ZMAT4: variants seen among roughly 807,000 people sequenced by gnomAD.
ZMAT4 encodes the protein zinc finger matrin-type 4.
Under a neutral mutation model 28.7 loss-of-function variants are expected in ZMAT4, and 17 were observed. The ratio of observed to expected loss-of-function variants is 0.59; its 90% confidence interval spans 0.41 to 0.89. ZMAT4 has a LOEUF of 0.89. Ranked by LOEUF, ZMAT4 falls within the 40% of genes least tolerant of loss-of-function variation. The pLI, the probability that ZMAT4 is intolerant of heterozygous loss-of-function variation, is 0.00. For synonymous variants in ZMAT4, 117 were observed against 109.2 expected, an observed-to-expected ratio of 1.07 and a Z score of -0.44; for missense variants, 240 against 283.8, an observed-to-expected ratio of 0.85 and a Z score of 1.11.
chr8:40,560,706 C>T (rs1563340445), intron 6 of ZMAT4, among the ~76,000 whole-genome samples: 1 of 152,116 alleles, frequency 6.6e-6, no homozygotes, highest in African/African-American at 2.4e-5. Context: ...GCCTGACACA[C>T]TATTTCACAA....
At chr8:40,677,765 TA>T (rs1454028201) in intron 4 of ZMAT4, among the ~76,000 whole-genome samples, 1 of 152,244 alleles carries the variant, frequency 6.6e-6, no homozygotes, top group African/African-American at 2.4e-5. Flanking sequence ...TCTTTTGGTT[TA>T]AAAACATGCT....
rs528327240 is a variant in ZMAT4, at chr8:40,742,187, G to T, written c.192+25454C>A. Among the ~76,000 whole-genome samples, 5 of 152,034 alleles carry T rather than the reference G, an allele frequency of 3.3e-5. No individual in the cohort carries two copies. The East Asian group carries it at 9.7e-4, about 29-fold the overall frequency. ...GGTGGGATCTCAGGAGGTAGAGGTTGCAGTGAGCCGTGATCATACCACCGC... is the reference window on the plus strand; with the variant it reads ...GGTGGGATCTCAGGAGGTAGAGGTTTCAGTGAGCCGTGATCATACCACCGC... On this transcript the variant is annotated intron_variant, in intron 3 of 6. Coordinates refer to ENST00000297737, the MANE Select transcript of ZMAT4 (RefSeq NM_024645.3).
At chr8:40,642,780 C>T (rs537898212) in intron 5 of ZMAT4, among the ~76,000 whole-genome samples, 12 of 152,290 alleles carry the variant, frequency 7.9e-5, no homozygotes, top group South Asian at 4.1e-4. Flanking sequence ...GGAGCACTGC[C>T]GTGCATATGC....
At chr8:40,887,344 C>G (rs140717564) in intron 1 of ZMAT4, among the ~76,000 whole-genome samples, 1 of 151,404 alleles carries the variant, frequency 6.6e-6, no homozygotes, top group African/African-American at 2.4e-5. Context: ...CAAAAATTAG[C>G]CAGGCATCAT....
intron 1 of ZMAT4, among the ~76,000 whole-genome samples, chr8:40,895,122 A>T (rs1318640374): frequency 6.7e-6 from 1 of 150,308 alleles, no homozygotes. Flanking sequence ...GGAAAAGCAG[A>T]AAGACACAAC....
chr8:40,816,849 A>G (rs781032336), intron 2 of ZMAT4, among the ~76,000 whole-genome samples: 14 of 152,224 alleles, frequency 9.2e-5, no homozygotes, highest in Non-Finnish European at 1.5e-4. Context: ...AGTCATATGA[A>G]AGAGACAATC....
chr8:40,854,210 A>G (rs978422913), intron 1 of ZMAT4, among the ~76,000 whole-genome samples: 3 of 152,194 alleles, frequency 2.0e-5, no homozygotes, highest in Non-Finnish European at 4.4e-5. Context: ...ATAGTAAACT[A>G]TATCAGAGTC....
At chr8:40,542,311 C>G (rs942109637) in intron 6 of ZMAT4, among the ~76,000 whole-genome samples, 13 of 152,084 alleles carry the variant, frequency 8.5e-5, no homozygotes, top group African/African-American at 2.7e-4. Flanking sequence ...CAGGGAGGAC[C>G]CTGGCTGGCC....
intron 4 of ZMAT4, among the ~76,000 whole-genome samples, chr8:40,681,395 T>C (rs1257053092): frequency 1.3e-5 from 2 of 152,236 alleles, no homozygotes; most frequent in Non-Finnish European, 1.5e-5. Context: ...TTTCCTACCC[T>C]AAATCAAATT....
At chr8:40,877,596 C>T (rs552148609) in intron 1 of ZMAT4, among the ~76,000 whole-genome samples, 1 of 152,122 alleles carries the variant, frequency 6.6e-6, no homozygotes, top group East Asian at 1.9e-4. Context: ...TATTTAAATG[C>T]TAAAAAAATG....
At chr8:40,599,574 G>A (rs1296089848) in intron 5 of ZMAT4, among the ~76,000 whole-genome samples, 1 of 152,148 alleles carries the variant, frequency 6.6e-6, no homozygotes, top group East Asian at 1.9e-4. Context: ...AAAAATAGAG[G>A]AACACATTAC....
At chr8:40,880,422 G>A (rs182412968) in intron 1 of ZMAT4, among the ~76,000 whole-genome samples, 109 of 151,824 alleles carry the variant, frequency 7.2e-4, no homozygotes, top group Non-Finnish European at 1.2e-3. Flanking sequence ...TCCAGAAAGA[G>A]GGCACCAATT....
chr8:40,542,532 G>A lies in ZMAT4; in HGVS notation c.675-10294C>T, dbSNP rs185168955. Among the ~76,000 whole-genome samples, 454 of 152,016 alleles carry A rather than the reference G, an allele frequency of 3.0e-3. 2 individuals carry two copies. The highest frequency in any genetic ancestry group is 0.01 in the African/African-American group (425 of 41,454). On this transcript the variant is annotated intron_variant, in intron 6 of 6. Coordinates refer to ENST00000297737, the MANE Select transcript of ZMAT4 (RefSeq NM_024645.3). Reference sequence around the variant, plus strand: ...GGCTCTGGAGTAGCTGGGACTACACGTACATGCCACCACTCCCAGCTAAGT... The same window carrying A: ...GGCTCTGGAGTAGCTGGGACTACACATACATGCCACCACTCCCAGCTAAGT...
chr8:40,597,136 T>C (rs1805132885), intron 5 of ZMAT4, among the ~76,000 whole-genome samples: 1 of 152,168 alleles, frequency 6.6e-6, no homozygotes, highest in African/African-American at 2.4e-5. Flanking sequence ...GTTTTCAGTA[T>C]TGGCTTATTC....
intron 3 of ZMAT4, among the ~76,000 whole-genome samples, chr8:40,742,613 AG>A (rs1812054371): frequency 6.6e-6 from 1 of 152,136 alleles, no homozygotes; most frequent in South Asian, 2.1e-4. Flanking sequence ...TCAAATTCAA[AG>A]GTGCCTCCCT....
chr8:40,710,029 C>G (rs1810534979), intron 3 of ZMAT4, among the ~76,000 whole-genome samples: 1 of 142,612 alleles, frequency 7.0e-6, no homozygotes, highest in African/African-American at 2.7e-5. Context: ...CAGTCTGAGA[C>G]CCAGTCTCAA....
chr8:40,560,204 T>TATAC (rs1403245864), intron 6 of ZMAT4, among the ~76,000 whole-genome samples: 1 of 149,906 alleles, frequency 6.7e-6, no homozygotes, highest in East Asian at 2.0e-4. Flanking sequence ...ACTTTATATA[T>TATAC]ATATATATAT....
intron 1 of ZMAT4, among the ~76,000 whole-genome samples, chr8:40,844,660 T>C (rs1816820187): frequency 6.9e-5 from 2 of 28,816 alleles, no homozygotes; most frequent in African/African-American, 1.3e-4. Flanking sequence ...TCTCATTCTG[T>C]GTGTGTGTGT....
At chr8:40,798,338 TGCTGACTGGCATC>T (rs1436110705) in intron 2 of ZMAT4, among the ~76,000 whole-genome samples, 18 of 152,226 alleles carry the variant, frequency 1.2e-4, no homozygotes, top group Non-Finnish European at 2.4e-4. Context: ...AATGTGTTCT[TGCTGACTGGCATC>T]GCTCTGTTCC....
Sources: gnomAD v4.1 joint callset for allele counts (sites outside exome capture counted in the v4.1 genomes callset) on GRCh38, gnomAD v4.1.1 for gene constraint, MANE v1.5 for transcripts, NCBI Gene and HGNC (gene_info 2026-07-23, HGNC 2026-07-21) for gene names.